KPNA3: variants seen among roughly 807,000 people sequenced by gnomAD.
KPNA3 encodes karyopherin subunit alpha 3, also known as importin subunit alpha-4.
A neutral mutation model predicts 73.8 loss-of-function variants in KPNA3; 13 were observed. That is an observed-to-expected ratio of 0.18 (90% CI 0.11 to 0.28). The LOEUF is 0.28. KPNA3 is among the 10% of genes least tolerant of loss of function. The pLI is 1.00. For missense variants in KPNA3, 360 were observed against 618.1 expected, an observed-to-expected ratio of 0.58 and a Z score of 4.43; for synonymous variants, 186 against 206.9, an observed-to-expected ratio of 0.90 and a Z score of 0.87.
At chr13:49,784,991 G>C (rs545741089) in intron 1 of KPNA3, among the ~76,000 whole-genome samples, 2 of 152,172 alleles carry the variant, frequency 1.3e-5, no homozygotes, top group Non-Finnish European at 2.9e-5. Flanking sequence ...GTATTTAAAA[G>C]TGGTAGGAAT....
intron 2 of KPNA3, among the ~76,000 whole-genome samples, chr13:49,735,115 C>T (rs1954510190): frequency 6.6e-6 from 1 of 151,942 alleles, no homozygotes; most frequent in African/African-American, 2.4e-5. Flanking sequence ...GCACAAGAAC[C>T]ATATTTACTT....
At chr13:49,702,578 C>T (rs1172188021) in intron 15 of KPNA3, 98 bp from the exon 16 acceptor site, 3 of 601,910 alleles carry the variant, frequency 5.0e-6, no homozygotes, top group Non-Finnish European at 8.6e-6. Flanking sequence ...CTAAGGAACT[C>T]AGAACACACT....
At chr13:49,735,204 C>A (rs369248956) in intron 2 of KPNA3, among the ~76,000 whole-genome samples, 1 of 152,130 alleles carries the variant, frequency 6.6e-6, no homozygotes, top group African/African-American at 2.4e-5. Context: ...CTCACTGCAA[C>A]CTCCACCTCC....
At chr13:49,730,555 A>AAAAAAAAAAC (rs1295959078) in intron 6 of KPNA3, among the ~76,000 whole-genome samples, 1 of 129,350 alleles carries the variant, frequency 7.7e-6, no homozygotes, top group East Asian at 2.3e-4. Flanking sequence ...AAAAAAAAAA[A>AAAAAAAAAAC]GAACAACTGG....
Position 49,732,722 on chromosome 13 carries a change from C to T in KPNA3, c.234+25G>A, listed in dbSNP as rs202122570. ...AAATCAATTTCAAAATACTTCAAAA[C>T]GAGAGTATTAATTTAGTAACATACC... On this transcript the variant is annotated intron_variant, in intron 4 of 16. Transcript: ENST00000261667. 21 of 1,582,880 alleles carry T rather than the reference C, an allele frequency of 1.3e-5. No individual in the cohort carries two copies. In the African/African-American group the frequency reaches 1.6e-4, roughly 12 times the overall value.
intron 12 of KPNA3, among the ~76,000 whole-genome samples, chr13:49,708,719 A>T (rs1345470711): frequency 6.6e-6 from 1 of 152,264 alleles, no homozygotes; most frequent in Admixed American, 6.5e-5. Flanking sequence ...GTTCTGACAC[A>T]TGCTGCAAAA....
intron 10 of KPNA3, among the ~76,000 whole-genome samples, chr13:49,713,552 C>G (rs901200908): frequency 2.7e-5 from 4 of 149,268 alleles, no homozygotes; most frequent in African/African-American, 9.8e-5. Flanking sequence ...AGGCAAAAAA[C>G]TTATACATTA....
chr13:49,756,422 A>C (rs1298987306), intron 1 of KPNA3, among the ~76,000 whole-genome samples: 1 of 152,078 alleles, frequency 6.6e-6, no homozygotes, highest in Non-Finnish European at 1.5e-5. Flanking sequence ...CCAGGTATGG[A>C]GGCAAGTGTT....
At position 49,714,799 on chromosome 13, in the gene KPNA3, G is replaced by T. The variant is rs949450106; in HGVS notation, c.772-3777C>A. On this transcript the variant is annotated intron_variant, in intron 10 of 16. Transcript: ENST00000261667. ...ATAATTAAATTTAATATTAATATTT[G>T]TAATTAATGTAAATTATTGCCTAAT... Among the ~76,000 whole-genome samples, 3 of 152,080 alleles carry T rather than the reference G, an allele frequency of 2.0e-5. No homozygotes were observed. In the East Asian group the frequency reaches 5.8e-4, roughly 29 times the overall value.
chr13:49,773,277 G>T (rs1954870087), intron 1 of KPNA3, among the ~76,000 whole-genome samples: 1 of 152,148 alleles, frequency 6.6e-6, no homozygotes, highest in Admixed American at 6.5e-5. Flanking sequence ...TTTACATTTT[G>T]ATTGCAATGG....
chr13:49,703,183 CTTTTTTTTTTT>C (rs35282756), intron 15 of KPNA3, among the ~76,000 whole-genome samples: 11 of 109,196 alleles, frequency 1.0e-4, no homozygotes, highest in South Asian at 6.3e-4. Context: ...TTCTTTCTTT[CTTTTTTTTTTT>C]TTTTTTTGAG....
At chr13:49,773,479 CCAT>C (rs1229472814) in intron 1 of KPNA3, among the ~76,000 whole-genome samples, 3 of 151,922 alleles carry the variant, frequency 2.0e-5, no homozygotes, top group African/African-American at 7.3e-5. Context: ...CCTATTAATA[CCAT>C]ATTATGCACT....
intron 1 of KPNA3, among the ~76,000 whole-genome samples, chr13:49,766,048 A>G (rs1479320644): frequency 2.6e-5 from 4 of 152,202 alleles, no homozygotes; most frequent in African/African-American, 9.6e-5. Context: ...TACTGTTTTC[A>G]CCTTATCTGT....
rs971422999 is a variant in KPNA3, at chr13:49,732,510, C to T, written c.288-44G>A. On this transcript the variant is annotated intron_variant, in intron 5 of 16. Transcript: ENST00000261667. ...GAAATTAATTGCTATAATTTTCAAA[C>T]TGTGAAAAGAAATAACAACATATTA... 1.1e-5 allele frequency: 16 copies of T among 1,474,678 alleles called. No individual in the cohort carries two copies. The Admixed American group carries it at 2.0e-4, about 19-fold the overall frequency. The allele number at this position is 1,474,678 out of a possible 1,614,324, so 91.3% of individuals were successfully genotyped here. A position where few individuals can be genotyped will look rare whatever the true frequency, so the allele number is the denominator to read the frequency against.
intron 1 of KPNA3, among the ~76,000 whole-genome samples, chr13:49,760,098 G>C (rs1387150305): frequency 6.6e-6 from 1 of 152,082 alleles, no homozygotes; most frequent in Admixed American, 6.6e-5. Context: ...GAAATACAGA[G>C]GGCCAATACA....
At chr13:49,771,255 C>G (rs1954853261) in intron 1 of KPNA3, among the ~76,000 whole-genome samples, 1 of 152,090 alleles carries the variant, frequency 6.6e-6, no homozygotes, top group Non-Finnish European at 1.5e-5. Context: ...ATTACTGCAG[C>G]TTAACATTAA....
chr13:49,734,954 T>TAGATAGAG (rs144444749), intron 2 of KPNA3, among the ~76,000 whole-genome samples: 1 of 145,840 alleles, frequency 6.9e-6, no homozygotes, highest in Non-Finnish European at 1.5e-5. Context: ...GAGAGATAGA[T>TAGATAGAG]AGAGAGAGAG....
intron 2 of KPNA3, among the ~76,000 whole-genome samples, chr13:49,741,232 A>T (rs1954570791): frequency 6.6e-6 from 1 of 152,134 alleles, no homozygotes; most frequent in Non-Finnish European, 1.5e-5. Context: ...TAATGTCTAT[A>T]CTAATTTACA....
intron 1 of KPNA3, among the ~76,000 whole-genome samples, chr13:49,759,305 T>C (rs1966855902): frequency 6.6e-6 from 1 of 152,192 alleles, no homozygotes; most frequent in Non-Finnish European, 1.5e-5. Flanking sequence ...AATTAATAAA[T>C]GAGAGGAAGG....
Sources: gnomAD v4.1 joint callset for allele counts (sites outside exome capture counted in the v4.1 genomes callset) on GRCh38, gnomAD v4.1.1 for gene constraint, MANE v1.5 for transcripts, NCBI Gene and HGNC (gene_info 2026-07-23, HGNC 2026-07-21) for gene names.